LARGE1: variants seen among roughly 807,000 people sequenced by gnomAD.
LARGE1 encodes xylosyl- and glucuronyltransferase LARGE1.
A neutral mutation model predicts 87.6 loss-of-function variants in LARGE1; 43 were observed. The observed-to-expected ratio is 0.49, with a 90% confidence interval of 0.38 to 0.63. LARGE1 has a LOEUF of 0.63. Among genes scored for constraint, LARGE1 ranks in the 30% least tolerant of loss-of-function variants. LARGE1 has a pLI of 0.00. For synonymous variants in LARGE1, 434 were observed against 394.6 expected, an observed-to-expected ratio of 1.10 and a Z score of -1.18; for missense variants, 802 against 1,000.2, an observed-to-expected ratio of 0.80 and a Z score of 2.67.
At position 33,276,331 on chromosome 22, in the gene LARGE1, C is replaced by T. The variant is rs890852030; in HGVS notation, c.2073+729G>A. On this transcript the variant is annotated intron_variant, in intron 14 of 14. Coordinates refer to ENST00000397394, the MANE Select transcript of LARGE1 (RefSeq NM_133642.5). Reference sequence around the variant, plus strand: ...GCTGAAAAATTGAAGCATGTCTGGTCCATTTCATGTTTTTGTACACAAAGT... The same window carrying T: ...GCTGAAAAATTGAAGCATGTCTGGTTCATTTCATGTTTTTGTACACAAAGT... Among the ~76,000 whole-genome samples, 7 of 152,072 alleles carry T rather than the reference C, an allele frequency of 4.6e-5. No homozygotes were observed. In the South Asian group the frequency reaches 8.3e-4, roughly 18 times the overall value.
chr22:33,201,314 GA>G (rs1486579326), intron 11 of LARGE1, among the ~76,000 whole-genome samples: 8 of 143,692 alleles, frequency 5.6e-5, no homozygotes, highest in Admixed American at 2.1e-4. Flanking sequence ...ATCTCAAAAA[GA>G]AAGAAAGAGA....
intron 11 of LARGE1, among the ~76,000 whole-genome samples, chr22:33,209,464 T>C (rs1225637489): frequency 6.6e-6 from 1 of 152,220 alleles, no homozygotes; most frequent in African/African-American, 2.4e-5. Context: ...AAATATGATG[T>C]GGTGGGTTCA....
chr22:33,191,506 G>A (rs1481469523), intron 11 of LARGE1, among the ~76,000 whole-genome samples: 2 of 151,078 alleles, frequency 1.3e-5, no homozygotes, highest in Non-Finnish European at 2.9e-5. Context: ...TTGAAATAAT[G>A]TCATTGGTTT....
rs1555994479 is a variant in LARGE1, at chr22:33,679,468, G to GCGCACA, written c.107-28801_107-28800insTGTGCG. On this transcript the variant is annotated intron_variant, in intron 2 of 14. Coordinates refer to ENST00000397394, the MANE Select transcript of LARGE1 (RefSeq NM_133642.5). ...GAAATTTGGGGACAGACACACACACGCACACACACACACACACACACACGA... is the reference window on the plus strand; with the variant it reads ...GAAATTTGGGGACAGACACACACACGCGCACACACACACACACACACACACACACGA... Among the ~76,000 whole-genome samples the GCGCACA allele has an allele frequency of 3.7e-3, 550 of 147,588 alleles. 4 individuals are homozygous for GCGCACA. The highest frequency in any genetic ancestry group is 0.013 in the African/African-American group (533 of 40,406).
Position 33,498,349 on chromosome 22 carries a change from C to T in LARGE1, c.788-66084G>A, listed in dbSNP as rs73882244. ...TAACAGTCCTTCAGGCAGGGCTGTTCTCTTAAAATAATCTCTACAACTTTT... is the reference window on the plus strand; with the variant it reads ...TAACAGTCCTTCAGGCAGGGCTGTTTTCTTAAAATAATCTCTACAACTTTT... On this transcript the variant is annotated intron_variant, in intron 6 of 14. Coordinates refer to ENST00000397394, the MANE Select transcript of LARGE1 (RefSeq NM_133642.5). 6.7e-3 allele frequency among the ~76,000 whole-genome samples: 1,022 copies of T among 152,252 alleles called. 10 individuals carry two copies. Among genetic ancestry groups the T allele is most frequent in the African/African-American group, 0.023 (952 of 41,520 alleles).
chr22:33,900,236 G>C (rs150760590), intron 1 of LARGE1, among the ~76,000 whole-genome samples: 95 of 152,348 alleles, frequency 6.2e-4, no homozygotes, highest in African/African-American at 1.9e-3. Flanking sequence ...GAACACAGCA[G>C]TCCTGACGTC....
chr22:33,523,016 G>C (rs2071690459), intron 6 of LARGE1, among the ~76,000 whole-genome samples: 2 of 151,480 alleles, frequency 1.3e-5, no homozygotes, highest in Admixed American at 1.3e-4. Flanking sequence ...GTTTTGTTTT[G>C]TTTTTGAAAT....
intron 6 of LARGE1, among the ~76,000 whole-genome samples, chr22:33,451,634 C>T (rs992298817): frequency 2.0e-5 from 3 of 151,656 alleles, no homozygotes; most frequent in Non-Finnish European, 4.4e-5. Flanking sequence ...TCTCGGCTCA[C>T]TGCAACCTCT....
At chr22:33,641,540 T>C (rs1292478815) in intron 3 of LARGE1, among the ~76,000 whole-genome samples, 3 of 152,162 alleles carry the variant, frequency 2.0e-5, no homozygotes, top group East Asian at 1.9e-4. Flanking sequence ...GTTTGACCAA[T>C]TGACAGAAGT....
intron 7 of LARGE1, among the ~76,000 whole-genome samples, chr22:33,428,579 C>T (rs2066961261): frequency 6.7e-6 from 1 of 149,236 alleles, no homozygotes; most frequent in Non-Finnish European, 1.5e-5. Flanking sequence ...TCCCAAAGTG[C>T]TGAGATTACA....
chr22:33,585,065 C>CGA (rs1204538808), intron 5 of LARGE1, among the ~76,000 whole-genome samples: 1 of 151,984 alleles, frequency 6.6e-6, no homozygotes, highest in Non-Finnish European at 1.5e-5. Flanking sequence ...TGCAGTGAGC[C>CGA]GAGATCGCAC....
At position 33,869,991 on chromosome 22, in the gene LARGE1, C is replaced by A. The variant is rs75275629; in HGVS notation, c.-83+50004G>T. Among the ~76,000 whole-genome samples the A allele has an allele frequency of 9.5e-3, 1,443 of 152,230 alleles. 17 individuals carry two copies. The highest frequency in any genetic ancestry group is 0.033 in the African/African-American group (1,389 of 41,540). On this transcript the variant is annotated intron_variant, in intron 1 of 14. Transcript: ENST00000397394. ...CTAGTTATGAGTTGAATTGTGTATC[C>A]CCCAGAAAGATGTGTTGAAGTCCTA...
intron 2 of LARGE1, among the ~76,000 whole-genome samples, chr22:33,674,317 T>G (rs1247704506): frequency 6.6e-6 from 1 of 152,170 alleles, no homozygotes; most frequent in East Asian, 1.9e-4. Flanking sequence ...CTTTGACAAC[T>G]CTAGGAACCT....
intron 11 of LARGE1, among the ~76,000 whole-genome samples, chr22:33,212,293 A>G (rs905665731): frequency 6.6e-6 from 1 of 152,224 alleles, no homozygotes; most frequent in African/African-American, 2.4e-5. Flanking sequence ...GTACTCATTT[A>G]CCATTCCAAA....
chr22:33,605,310 T>G (rs2079222463), intron 4 of LARGE1, among the ~76,000 whole-genome samples: 1 of 152,074 alleles, frequency 6.6e-6, no homozygotes, highest in Non-Finnish European at 1.5e-5. Context: ...CACTTTCAGT[T>G]AGGAGCTGAG....
intron 11 of LARGE1, among the ~76,000 whole-genome samples, chr22:33,255,203 G>A (rs535024463): frequency 1.8e-4 from 28 of 152,296 alleles, no homozygotes; most frequent in African/African-American, 5.5e-4. Context: ...CTCCCAAAGC[G>A]CTGGGAATAC....
chr22:33,498,096 GCT>G (rs1252914336), intron 6 of LARGE1, among the ~76,000 whole-genome samples: 134 of 152,170 alleles, frequency 8.8e-4, no homozygotes, highest in African/African-American at 3.1e-3. Context: ...TGTTGGTTAG[GCT>G]GGTCTCGAGT....
At position 33,277,133 on chromosome 22, in the gene LARGE1, C is replaced by CA. The variant is rs1929471370; in HGVS notation, c.1999dup (p.Cys667LeufsTer28). 11 of 1,614,158 alleles carry CA rather than the reference C, an allele frequency of 6.8e-6. No homozygotes were observed. The highest frequency in any genetic ancestry group is 1.3e-5 in the African/African-American group (1 of 74,960). On this transcript the variant is annotated frameshift_variant, in exon 14 of 15. Transcript: ENST00000397394. LOFTEE classifies it high-confidence loss of function. The stretch of plus-strand genomic sequence containing the variant: ...TACAAACCTCCGGTCGTACTCCGGG[C>CA]AGTCACGTCTCACAACAACATACGG...
chr22:33,581,530 C>A (rs1004620506), intron 5 of LARGE1, among the ~76,000 whole-genome samples: 1 of 152,026 alleles, frequency 6.6e-6, no homozygotes, highest in African/African-American at 2.4e-5. Context: ...CAGAGAGAAT[C>A]TGACTGGGCA....
Sources: allele counts gnomAD v4.1 joint callset (sites outside exome capture counted in the v4.1 genomes callset), GRCh38; gene constraint gnomAD v4.1.1; transcripts MANE v1.5; gene names NCBI Gene and HGNC (gene_info 2026-07-23, HGNC 2026-07-21).